The following TNRC6B variants were observed in gnomAD, a reference collection of about 807,000 sequenced individuals.
TNRC6B encodes the protein trinucleotide repeat-containing gene 6B protein.
TNRC6B carries 52 observed loss-of-function variants against 203.6 expected under a neutral mutation model. That is an observed-to-expected ratio of 0.26 (90% CI 0.20 to 0.32). The LOEUF is 0.32. TNRC6B is among the 10% of genes least tolerant of loss of function. The pLI is 1.00. For missense variants in TNRC6B, 1,923 were observed against 2,286.2 expected (o/e 0.84, Z 3.24); for synonymous variants, 838 against 845.7 (o/e 0.99, Z 0.16).
At chr22:40,055,583 A>T (rs1360911769) in intron 1 of TNRC6B, among the ~76,000 whole-genome samples, 6 of 152,208 alleles carry the variant, frequency 3.9e-5, no homozygotes, top group Non-Finnish European at 5.9e-5. Context: ...TGTATGTTTG[A>T]ATTCATAAAG....
chr22:40,156,067 G>T (rs1042274356), intron 3 of TNRC6B: 3 of 1,530,000 alleles, frequency 2.0e-6, no homozygotes, highest in South Asian at 2.4e-5. Flanking sequence ...GGAGTGAGTC[G>T]CATTGTAGTT....
intron 1 of TNRC6B, among the ~76,000 whole-genome samples, chr22:40,085,646 T>C: frequency 6.6e-6 from 1 of 152,184 alleles, no homozygotes; most frequent in Non-Finnish European, 1.5e-5. Context: ...AGATTGGGTT[T>C]TTTTGGCAAG....
chr22:40,174,649 C>T (rs1382215728), upstream of TNRC6B, among the ~76,000 whole-genome samples: 1 of 151,582 alleles, frequency 6.6e-6, no homozygotes, highest in East Asian at 1.9e-4. Flanking sequence ...TTAGTGAAAC[C>T]CCGTCTCTAC....
chr22:40,304,290 T>C (rs2071062937), intron 15 of TNRC6B, among the ~76,000 whole-genome samples: 1 of 152,232 alleles, frequency 6.6e-6, no homozygotes, highest in African/African-American at 2.4e-5. Context: ...GTAAAACAGA[T>C]GGTTTCTAAT....
At chr22:40,147,211 G>A (rs6001802) in intron 3 of TNRC6B, among the ~76,000 whole-genome samples, 52,261 of 147,254 alleles carry the variant, frequency 0.35, 13,204 homozygotes, top group African/African-American at 0.71. Context: ...GACAAATACC[G>A]TATGATTCTA....
intron 1 of TNRC6B, among the ~76,000 whole-genome samples, chr22:40,065,292 G>A (rs1371192279): frequency 6.6e-6 from 1 of 151,976 alleles, no homozygotes; most frequent in African/African-American, 2.4e-5. Flanking sequence ...GACTACAGGT[G>A]TGTACCACCA....
chr22:40,200,276 TTC>T (rs1414886299), intron 1 of TNRC6B, among the ~76,000 whole-genome samples: 1 of 92,886 alleles, frequency 1.1e-5, no homozygotes, highest in African/African-American at 4.4e-5. Flanking sequence ...AAAAGTAATA[TTC>T]TTTTTTTTTT....
chr22:40,245,673 C>A (rs982003234), intron 1 of TNRC6B, among the ~76,000 whole-genome samples: 1 of 151,858 alleles, frequency 6.6e-6, no homozygotes, highest in Non-Finnish European at 1.5e-5. Flanking sequence ...TGGATATTGT[C>A]GTATTCAAAT....
At chr22:40,252,985 G>A (rs1411051024) in intron 3 of TNRC6B, among the ~76,000 whole-genome samples, 1 of 152,214 alleles carries the variant, frequency 6.6e-6, no homozygotes, top group African/African-American at 2.4e-5. Flanking sequence ...CTGGCCACAA[G>A]ACTGATGCTT....
intron 4 of TNRC6B, among the ~76,000 whole-genome samples, chr22:40,163,777 G>C (rs2068893539): frequency 6.6e-6 from 1 of 151,624 alleles, no homozygotes; most frequent in Admixed American, 6.6e-5. Context: ...CAAAAAGAAA[G>C]AAAAGAAAAG....
chr22:40,310,478 G>C (rs1231851027), intron 16 of TNRC6B, among the ~76,000 whole-genome samples: 1 of 152,178 alleles, frequency 6.6e-6, no homozygotes, highest in African/African-American at 2.4e-5. Flanking sequence ...TGAGTCGTTA[G>C]CATAGAAACT....
At chr22:40,102,720 T>C (rs539372866) in intron 1 of TNRC6B, among the ~76,000 whole-genome samples, 1 of 152,160 alleles carries the variant, frequency 6.6e-6, no homozygotes, top group Admixed American at 6.6e-5. Flanking sequence ...GGGAGACTGC[T>C]TGAGGCCAGG....
upstream of TNRC6B, among the ~76,000 whole-genome samples, chr22:40,176,456 T>C (rs1223234533): frequency 3.9e-5 from 6 of 152,108 alleles, no homozygotes; most frequent in Non-Finnish European, 8.8e-5. Context: ...TTAGTTACTT[T>C]CTTTCCTGAA....
intron 3 of TNRC6B, among the ~76,000 whole-genome samples, chr22:40,253,903 C>T (rs1601922937): frequency 6.6e-6 from 1 of 152,196 alleles, no homozygotes; most frequent in East Asian, 1.9e-4. Context: ...GCAATCTGCC[C>T]TTCACTCTGA....
intron 1 of TNRC6B, among the ~76,000 whole-genome samples, chr22:40,051,398 A>G (rs1178132503): frequency 6.6e-6 from 1 of 152,194 alleles, no homozygotes; most frequent in Admixed American, 6.5e-5. Context: ...CCGTATTTCA[A>G]CCTGCTCTTG....
chr22:40,180,530 G>A (rs562112208), intron 1 of TNRC6B, among the ~76,000 whole-genome samples: 161 of 152,304 alleles, frequency 1.1e-3, no homozygotes, highest in African/African-American at 3.6e-3. Context: ...CTGGCTTCAC[G>A]TATGGGAAGC....
At chr22:40,279,195 C>T (rs12157790) in intron 9 of TNRC6B, among the ~76,000 whole-genome samples, 115 of 152,256 alleles carry the variant, frequency 7.6e-4, no homozygotes, top group African/African-American at 2.6e-3. Flanking sequence ...GGAGTGGAAA[C>T]GGTGTTAGCC....
chr22:40,198,514 G>A (rs1336208712), intron 1 of TNRC6B, among the ~76,000 whole-genome samples: 1 of 152,052 alleles, frequency 6.6e-6, no homozygotes, highest in African/African-American at 2.4e-5. Context: ...TGCTGTGTCA[G>A]AGCCCAGGAG....
chr22:40,192,462 C>G (rs750808109), intron 1 of TNRC6B, among the ~76,000 whole-genome samples: 3 of 152,120 alleles, frequency 2.0e-5, no homozygotes, highest in Non-Finnish European at 4.4e-5. Context: ...ACTAAAAATA[C>G]AAAAATTAGC....
Sources: gnomAD v4.1 joint callset for allele counts (sites outside exome capture counted in the v4.1 genomes callset) on GRCh38, gnomAD v4.1.1 for gene constraint, MANE v1.5 for transcripts, NCBI Gene and HGNC (gene_info 2026-07-23, HGNC 2026-07-21) for gene names.